Variants in MED13 observed in about 807,000 individuals in gnomAD.
MED13 encodes the protein mediator of RNA polymerase II transcription subunit 13.
In MED13, 23 loss-of-function variants were observed where a neutral mutation model predicts 225.2. The ratio of observed to expected loss-of-function variants is 0.10; its 90% CI spans 0.07 to 0.14. MED13 has a LOEUF of 0.14. Among genes scored for constraint, MED13 ranks in the 10% least tolerant of loss-of-function variants. The pLI, the probability that MED13 is intolerant of heterozygous loss-of-function variation, is 1.00. For synonymous variants in MED13, 942 were observed against 889.2 expected (o/e 1.06, Z -1.06); for missense variants, 2,197 against 2,594.5 (o/e 0.85, Z 3.33).
At chr17:62,064,301 T>A (rs557848570) in intron 1 of MED13, among the ~76,000 whole-genome samples, 1 of 152,332 alleles carries the variant, frequency 6.6e-6, no homozygotes, top group South Asian at 2.1e-4. Context: ...CTGAAAGCCT[T>A]AACTGTTGGA....
At chr17:61,952,308 G>A (rs2079903373) in intron 27 of MED13, among the ~76,000 whole-genome samples, 2 of 152,150 alleles carry the variant, frequency 1.3e-5, no homozygotes, top group Non-Finnish European at 2.9e-5. Flanking sequence ...AAAAGGGGGA[G>A]TAGATGGTCA....
At chr17:62,007,987 C>T (rs1393591606) in intron 9 of MED13, among the ~76,000 whole-genome samples, 1 of 137,448 alleles carries the variant, frequency 7.3e-6, no homozygotes, top group African/African-American at 2.8e-5. Flanking sequence ...CCACTGCACT[C>T]CAGCCTGGAG....
intron 17 of MED13, among the ~76,000 whole-genome samples, chr17:61,970,586 G>A (rs2080098035): frequency 6.8e-6 from 1 of 146,728 alleles, no homozygotes; most frequent in South Asian, 2.2e-4. Flanking sequence ...TGAGGCTGAT[G>A]CATGAGAACT....
In MED13 at chr17:62,000,139, C is replaced by T. The variant is rs1448580390; in HGVS notation, c.1968-4774G>A. Among the ~76,000 whole-genome samples, 6 of 152,104 alleles carry T rather than the reference C, an allele frequency of 3.9e-5. No homozygotes were observed. In the South Asian group the frequency reaches 6.2e-4, roughly 16 times the overall value. On this transcript the variant is annotated intron_variant, in intron 9 of 29. Coordinates refer to ENST00000397786, the MANE Select transcript of MED13 (RefSeq NM_005121.3). ...AACCCACTACTATGGAAGGACAGTG[C>T]CACCTTTCAATAGCAATCAATGGAA...
chr17:62,039,459 T>C (rs1285222467), intron 3 of MED13, among the ~76,000 whole-genome samples: 1 of 151,930 alleles, frequency 6.6e-6, no homozygotes, highest in Admixed American at 6.6e-5. Context: ...ATTTTTGTAT[T>C]TTTAGTAGAG....
intron 2 of MED13, among the ~76,000 whole-genome samples, chr17:62,059,339 A>C (rs1015998909): frequency 6.6e-6 from 1 of 152,238 alleles, no homozygotes; most frequent in East Asian, 1.9e-4. Flanking sequence ...TGAGAATTCT[A>C]ATCTTTGAAA....
intron 8 of MED13, among the ~76,000 whole-genome samples, chr17:62,014,221 G>A (rs904918224): frequency 2.0e-5 from 3 of 151,716 alleles, no homozygotes; most frequent in African/African-American, 7.3e-5. Flanking sequence ...AAATATTGAA[G>A]TTGAGTCTAA....
intron 3 of MED13, among the ~76,000 whole-genome samples, chr17:62,045,803 T>C (rs978204610): frequency 6.6e-6 from 1 of 152,210 alleles, no homozygotes; most frequent in Non-Finnish European, 1.5e-5. Context: ...TGGTTACTCT[T>C]ACACTTGCGG....
At chr17:61,996,181 C>T (rs1370054163) in intron 9 of MED13, among the ~76,000 whole-genome samples, 1 of 152,312 alleles carries the variant, frequency 6.6e-6, no homozygotes, top group Non-Finnish European at 1.5e-5. Context: ...AAGAAGCAAG[C>T]TGATCTATAC....
chr17:62,057,802 G>C (rs193075271), intron 2 of MED13, among the ~76,000 whole-genome samples: 81 of 152,244 alleles, frequency 5.3e-4, no homozygotes, highest in African/African-American at 1.9e-3. Flanking sequence ...CCAGGAAAAA[G>C]AACAAATATT....
chr17:62,030,083 T>G, intron 6 of MED13, 70 bp from the exon 7 acceptor site: 1 of 1,305,320 alleles, frequency 7.7e-7, no homozygotes, highest in Non-Finnish European at 1.0e-6. Context: ...ATTTGGGTTT[T>G]TTATTAATTT....
chr17:62,064,810 T>C (rs557440575), intron 1 of MED13, among the ~76,000 whole-genome samples: 85 of 152,058 alleles, frequency 5.6e-4, no homozygotes, highest in African/African-American at 2.0e-3. Context: ...ACAGGGCCAA[T>C]AAGGAGAAAA....
intron 8 of MED13, among the ~76,000 whole-genome samples, chr17:62,028,439 G>A (rs973135859): frequency 2.6e-5 from 4 of 152,066 alleles, no homozygotes; most frequent in Admixed American, 1.3e-4. Flanking sequence ...AGTAACTACT[G>A]GGTACTAGGC....
At chr17:62,004,836 T>C (rs547159426) in intron 9 of MED13, 145 of 152,102 alleles carry the variant, frequency 9.5e-4, no homozygotes, top group African/African-American at 3.3e-3. Flanking sequence ...CTTAGACTTA[T>C]ACTACATTTA....
chr17:62,035,599 C>G lies in MED13; in HGVS notation c.480G>C (p.Leu160Phe), dbSNP rs1311400440. The G allele has an allele frequency of 6.2e-7, 1 of 1,605,108 alleles. No individual in the cohort carries two copies. The highest frequency in any genetic ancestry group is 1.7e-5 in the Admixed American group (1 of 57,316). The change falls in exon 4 of 30, where the codon TTG (leucine) becomes TTC (phenylalanine). Residue 160 changes from leucine (L) to phenylalanine (F), a missense_variant. Around this residue, in one of 12 missense-constraint regions of MED13, gnomAD observed 884 missense variants for 918.5 expected, o/e 0.96. Transcript: ENST00000397786. Reference sequence around the variant, plus strand: ...GCAAGAAAAAGGTGAAGGAGCAGGACAAGTGTTCACTAAAAAAGAAGAAAA... The same window carrying G: ...GCAAGAAAAAGGTGAAGGAGCAGGAGAAGTGTTCACTAAAAAAGAAGAAAA... The part of the protein sequence containing the change: ...DEKPINKSEH[L>F]SCSFTFFLHG...
In MED13 at chr17:62,033,931, T is replaced by A; in HGVS notation, c.670A>T (p.Met224Leu). The A allele has an allele frequency of 6.2e-6, 10 of 1,614,148 alleles. No homozygotes were observed. The highest frequency in any genetic ancestry group is 8.5e-6 in the Non-Finnish European group (10 of 1,180,016). The change falls in exon 5 of 30, where the codon ATG becomes TTG. Residue 224 changes from methionine to leucine, a missense_variant. Met to Leu is a conservative substitution (Grantham distance 15). Transcript: ENST00000397786. Reference protein sequence around the residue: ...NGTLTGQAFKMSDSATKKLIG... With the variant: ...NGTLTGQAFKLSDSATKKLIG... ...AATTTTTTTGTAGCTGAATCAGACA[T>A]CTTGAATGCCTGTCCTGTGAGAGTG... is the stretch of plus-strand genomic sequence containing the variant.
intron 3 of MED13, among the ~76,000 whole-genome samples, chr17:62,038,223 A>AT (rs2080822472): frequency 6.6e-6 from 1 of 151,910 alleles, no homozygotes; most frequent in African/African-American, 2.4e-5. Context: ...ATAAGACCCC[A>AT]TCTCCACAAA....
intron 6 of MED13, chr17:62,031,217 G>A: frequency 7.5e-6 from 3 of 398,946 alleles, no homozygotes; most frequent in Non-Finnish European, 1.3e-5. Flanking sequence ...TCTGTAGGTT[G>A]TTCTCAAATG....
At chr17:61,984,142 A>T (rs1302692865) in intron 15 of MED13, 29 bp downstream of exon 15, 1 of 1,417,674 alleles carries the variant, frequency 7.1e-7, no homozygotes, top group Non-Finnish European at 9.3e-7. Flanking sequence ...ATAAGCAGTC[A>T]CATACTATTG....
Sources: allele counts gnomAD v4.1 joint callset (sites outside exome capture counted in the v4.1 genomes callset), GRCh38; gene constraint gnomAD v4.1.1; regional missense constraint gnomAD v4.1.1; transcripts MANE v1.5; gene names NCBI Gene and HGNC (gene_info 2026-07-23, HGNC 2026-07-21).